RANBP2: variants seen among roughly 807,000 people sequenced by gnomAD.
RANBP2 encodes the protein RAN binding protein 2.
A neutral mutation model predicts 303.6 loss-of-function variants in RANBP2; 57 were observed. The ratio of observed to expected loss-of-function variants is 0.19; its 90% CI spans 0.15 to 0.23. RANBP2 has a LOEUF of 0.23. Among genes scored for constraint, RANBP2 ranks in the 10% least tolerant of loss-of-function variants. The pLI, the probability that RANBP2 is intolerant of heterozygous loss-of-function variation, is 1.00. For synonymous variants in RANBP2, 1,167 were observed against 1,301.5 expected, an observed-to-expected ratio of 0.90 and a Z score of 2.23; for missense variants, 3,138 against 3,780.8, an observed-to-expected ratio of 0.83 and a Z score of 4.46.
At chr2:109,617,630 A>C in the RANBP2 span, 5 of 167,164 alleles carry the variant, frequency 3.0e-5, no homozygotes, top group African/African-American at 1.2e-4. Flanking sequence ...GAATGAACCC[A>C]TGTGTGAACT....
the RANBP2 span, among the ~76,000 whole-genome samples, chr2:109,321,356 C>T: frequency 6.6e-6 from 1 of 152,330 alleles, no homozygotes; most frequent in Non-Finnish European, 1.5e-5. Flanking sequence ...ACCAGAACGT[C>T]ATCATTCATT....
At chr2:109,289,499 T>C in the RANBP2 span, among the ~76,000 whole-genome samples, 1 of 152,166 alleles carries the variant, frequency 6.6e-6, no homozygotes, top group Non-Finnish European at 1.5e-5. Flanking sequence ...ATACGCACTC[T>C]TGGTCAGACA....
At chr2:108,912,593 C>G in the RANBP2 span, 4 of 1,298,296 alleles carry the variant, frequency 3.1e-6, no homozygotes, top group South Asian at 5.0e-5. Flanking sequence ...ATAATCATCA[C>G]TCATGATCAT....
the RANBP2 span, among the ~76,000 whole-genome samples, chr2:109,610,493 T>C: frequency 6.6e-6 from 1 of 152,120 alleles, no homozygotes; most frequent in Non-Finnish European, 1.5e-5. Flanking sequence ...GACGGGTGGA[T>C]CACCTGAGGT....
At chr2:108,719,861 G>A (rs1400744190) in intron 1 of RANBP2, among the ~76,000 whole-genome samples, 183 bp downstream of exon 1, 2 of 152,224 alleles carry the variant, frequency 1.3e-5, no homozygotes, top group African/African-American at 4.8e-5. Context: ...TGGGGGGACA[G>A]CGGTGGGCGG....
chr2:108,847,600 T>C, the RANBP2 span, among the ~76,000 whole-genome samples: 1 of 152,224 alleles, frequency 6.6e-6, no homozygotes, highest in Non-Finnish European at 1.5e-5. Flanking sequence ...GTGTTTAATA[T>C]TTAGCTATAA....
chr2:108,822,423 G>A, the RANBP2 span, among the ~76,000 whole-genome samples: 5 of 152,006 alleles, frequency 3.3e-5, no homozygotes, highest in African/African-American at 1.2e-4. Flanking sequence ...GGAAATAGAG[G>A]GCTTGAACAA....
the RANBP2 span, among the ~76,000 whole-genome samples, chr2:109,346,497 C>T: frequency 4.6e-5 from 7 of 152,062 alleles, no homozygotes; most frequent in Non-Finnish European, 1.5e-5. Context: ...TATTGACACC[C>T]GAACAATGCA....
chr2:109,133,006 T>A, the RANBP2 span, among the ~76,000 whole-genome samples: 1 of 152,238 alleles, frequency 6.6e-6, no homozygotes, highest in Non-Finnish European at 1.5e-5. Context: ...ACAGAACATC[T>A]TCTGCAGTTC....
chr2:108,757,115 C>T (rs1324235976), intron 17 of RANBP2, among the ~76,000 whole-genome samples: 2 of 152,108 alleles, frequency 1.3e-5, no homozygotes, highest in Non-Finnish European at 2.9e-5. Context: ...TAGAACTGGT[C>T]GGATTCCTGG....
the RANBP2 span, among the ~76,000 whole-genome samples, chr2:109,364,944 A>G: frequency 6.6e-6 from 1 of 152,162 alleles, no homozygotes; most frequent in Non-Finnish European, 1.5e-5. Flanking sequence ...TGCAAAAATT[A>G]ACTGGGTGTA....
the RANBP2 span, chr2:109,593,191 T>A: frequency 1.1e-6 from 1 of 950,490 alleles, no homozygotes; most frequent in East Asian, 2.6e-5. Context: ...CTGAATAATA[T>A]ATTTACATGA....
intron 7 of RANBP2, among the ~76,000 whole-genome samples, chr2:108,741,759 G>C (rs1282962281): frequency 1.4e-5 from 2 of 145,340 alleles, no homozygotes; most frequent in East Asian, 2.0e-4. Flanking sequence ...TCATCCACCT[G>C]CCTCGGCCTC....
At chr2:109,646,486 A>G in the RANBP2 span, among the ~76,000 whole-genome samples, 2 of 151,868 alleles carry the variant, frequency 1.3e-5, no homozygotes, top group African/African-American at 2.4e-5. Flanking sequence ...TGTATTTGTA[A>G]ACGGCTAATA....
At chr2:108,788,161 G>T (rs1245672336), downstream of RANBP2, 6 of 1,496,208 alleles carry the variant, frequency 4.0e-6, no homozygotes, top group African/African-American at 8.6e-5. Context: ...GCTCACGCCT[G>T]TAATCCCAGC....
At chr2:109,622,747 C>T in the RANBP2 span, among the ~76,000 whole-genome samples, 57 of 152,290 alleles carry the variant, frequency 3.7e-4, no homozygotes, top group African/African-American at 1.3e-3. Context: ...TGAGATTAAA[C>T]GCCAGCGTAG....
the RANBP2 span, chr2:108,812,947 T>G: frequency 6.2e-7 from 1 of 1,609,372 alleles, no homozygotes; most frequent in East Asian, 2.2e-5. Context: ...AATTATGATT[T>G]GATATGATTG....
chr2:109,489,912 A>G, the RANBP2 span, among the ~76,000 whole-genome samples: 2 of 152,040 alleles, frequency 1.3e-5, no homozygotes, highest in African/African-American at 4.8e-5. Flanking sequence ...TAATTTTTGT[A>G]TTTTTAGTAG....
At chr2:109,046,383 A>G in the RANBP2 span, among the ~76,000 whole-genome samples, 5 of 126,888 alleles carry the variant, frequency 3.9e-5, no homozygotes, top group Admixed American at 7.6e-5. Context: ...TTTTTTTTAA[A>G]CTTACTTTTT....
Sources: allele counts gnomAD v4.1 joint callset (sites outside exome capture counted in the v4.1 genomes callset), GRCh38; gene constraint gnomAD v4.1.1; transcripts MANE v1.5; gene names NCBI Gene and HGNC (gene_info 2026-07-23, HGNC 2026-07-21).